Variants in SEMA4D observed in about 807,000 individuals in gnomAD.
The protein encoded by SEMA4D is semaphorin-4D.
Under a neutral mutation model 74.8 loss-of-function variants are expected in SEMA4D, and 22 were observed. The observed-to-expected ratio is 0.29, with a 90% CI of 0.21 to 0.42. SEMA4D has a LOEUF of 0.42. Among genes scored for constraint, SEMA4D ranks in the 10% least tolerant of loss-of-function variants. SEMA4D has a pLI of 1.00. For synonymous variants in SEMA4D, 445 were observed against 463.7 expected (o/e 0.96, Z 0.52); for missense variants, 937 against 1,118.4 (o/e 0.84, Z 2.31).
At chr9:89,452,685 T>C (rs1039338415) in intron 2 of SEMA4D, among the ~76,000 whole-genome samples, 2 of 151,694 alleles carry the variant, frequency 1.3e-5, no homozygotes, top group Non-Finnish European at 2.9e-5. Flanking sequence ...ACTCCCCACC[T>C]CAGATGATCT....
At chr9:89,475,254 A>C (rs1861478437) in intron 1 of SEMA4D, among the ~76,000 whole-genome samples, 1 of 152,200 alleles carries the variant, frequency 6.6e-6, no homozygotes, top group Admixed American at 6.5e-5. Flanking sequence ...GGTGGGACTG[A>C]GACCCATGTC....
At chr9:89,371,922 TGTG>T (rs1834988468) in intron 16 of SEMA4D, among the ~76,000 whole-genome samples, 3 of 139,050 alleles carry the variant, frequency 2.2e-5, no homozygotes, top group Non-Finnish European at 4.7e-5. Flanking sequence ...GTGTGTGGGG[TGTG>T]GTGTGTGTGG....
At chr9:89,431,065 A>C (rs73654789) in intron 2 of SEMA4D, among the ~76,000 whole-genome samples, 40,928 of 152,214 alleles carry the variant, frequency 0.27, 6,088 homozygotes, top group African/African-American at 0.37. Flanking sequence ...CGGCAGTACA[A>C]TCCACACAAG....
rs1297360808 is a variant in SEMA4D at position 89,364,124 on chromosome 9, G to GGAGCCT, written c.1883-180_1883-175dup. ...GGAGGTGGCTTCCCCATGGCCAGCGGGAGCCTTGGCCTTGGCCCGTCCTGT... is the reference window on the plus strand; with the variant it reads ...GGAGGTGGCTTCCCCATGGCCAGCGGGAGCCTGAGCCTTGGCCTTGGCCCGTCCTGT... On this transcript the variant is annotated intron_variant, in intron 16 of 18. Transcript: ENST00000339861. The GGAGCCT allele has an allele frequency of 1.4e-5, 19 of 1,392,450 alleles. No individual in the cohort carries two copies. In the African/African-American group the frequency reaches 2.7e-4, roughly 20 times the overall value. The allele number at this position is 1,392,450 out of a possible 1,614,324, so 86.3% of individuals were successfully genotyped here.
chr9:89,362,157 A>ACTGTCCCAAGTGGGC (rs1832808850), exon 19 of SEMA4D: 4 of 602,950 alleles, frequency 6.6e-6, no homozygotes, highest in Non-Finnish European at 1.2e-5. Flanking sequence ...GACAGAACTT[A>ACTGTCCCAAGTGGGC]CTGTCCCAGG....
At chr9:89,450,543 G>A (rs1587985588) in intron 2 of SEMA4D, 2 of 1,111,562 alleles carry the variant, frequency 1.8e-6, no homozygotes, top group East Asian at 2.4e-5. Flanking sequence ...CCTGCCCAAT[G>A]GCCCCATGCA....
intron 1 of SEMA4D, among the ~76,000 whole-genome samples, chr9:89,487,929 G>A (rs1346401017): frequency 6.6e-6 from 1 of 152,136 alleles, no homozygotes; most frequent in Non-Finnish European, 1.5e-5. Context: ...TTCCCAAATT[G>A]ATCTAAGGAG....
intron 2 of SEMA4D, among the ~76,000 whole-genome samples, chr9:89,425,976 GC>G (rs1848003775): frequency 6.6e-6 from 1 of 152,230 alleles, no homozygotes; most frequent in South Asian, 2.1e-4. Context: ...AGCAGTGAAG[GC>G]ATCACAGAAT....
At chr9:89,496,339 T>C (rs531239197) in intron 1 of SEMA4D, among the ~76,000 whole-genome samples, 38 of 152,332 alleles carry the variant, frequency 2.5e-4, no homozygotes, top group African/African-American at 8.7e-4. Flanking sequence ...GGTGGCCTTT[T>C]GCCTGTCTGC....
chr9:89,366,954 C>CAT (rs1833767764), intron 16 of SEMA4D, among the ~76,000 whole-genome samples: 1 of 152,096 alleles, frequency 6.6e-6, no homozygotes, highest in Admixed American at 6.5e-5. Context: ...GATTAATCAC[C>CAT]CAACGCCCCA....
At chr9:89,465,845 A>T (rs1254068049) in intron 1 of SEMA4D, among the ~76,000 whole-genome samples, 2 of 152,220 alleles carry the variant, frequency 1.3e-5, no homozygotes, top group African/African-American at 4.8e-5. Context: ...CTCCATTCAA[A>T]GGCTGCCTAT....
chr9:89,440,745 G>A (rs1276267217), intron 2 of SEMA4D, among the ~76,000 whole-genome samples: 2 of 152,190 alleles, frequency 1.3e-5, no homozygotes, highest in Non-Finnish European at 2.9e-5. Context: ...TCCACCCTAC[G>A]GAACCCTTCC....
chr9:89,497,313 C>G (rs1206865447), intron 1 of SEMA4D: 2 of 152,448 alleles, frequency 1.3e-5, no homozygotes, highest in Admixed American at 1.3e-4. Flanking sequence ...GAAAGGAAAC[C>G]GAGGCCTGCA....
At chr9:89,435,360 C>T (rs1301080948) in intron 2 of SEMA4D, among the ~76,000 whole-genome samples, 2 of 152,226 alleles carry the variant, frequency 1.3e-5, no homozygotes, top group Non-Finnish European at 2.9e-5. Context: ...TTACAAGCAT[C>T]CCCATTCACA....
chr9:89,419,271 CG>C lies in SEMA4D; in HGVS notation c.-243-13573del, dbSNP rs370322605. ...TCCCTCCAGCAGTGGATGGCTCTTA[CG>C]GCCAATTTTATAAGCAAAAGTAGGT... On this transcript the variant is annotated intron_variant, in intron 2 of 15. Transcript: ENST00000422704. Among the ~76,000 whole-genome samples the C allele has an allele frequency of 9.8e-5, 15 of 152,292 alleles. No homozygotes were observed. In the East Asian group the frequency reaches 2.5e-3, roughly 25 times the overall value.
chr9:89,398,104 A>C (rs1358376568), intron 5 of SEMA4D, among the ~76,000 whole-genome samples: 1 of 152,196 alleles, frequency 6.6e-6, no homozygotes. Flanking sequence ...TAAAACCCGC[A>C]GCCCAGAGTG....
At chr9:89,464,765 CAG>C (rs1354928936) in intron 1 of SEMA4D, among the ~76,000 whole-genome samples, 1 of 152,040 alleles carries the variant, frequency 6.6e-6, no homozygotes. Context: ...AGGAAATGGG[CAG>C]GGTTGCAGGG....
Position 89,397,987 on chromosome 9 carries a change from C to T in SEMA4D, c.316-1152G>A, listed in dbSNP as rs377606649. Among the ~76,000 whole-genome samples, 33 of 152,182 alleles carry T rather than the reference C, an allele frequency of 2.2e-4. No homozygotes were observed. The South Asian group carries it at 2.3e-3, about 11-fold the overall frequency. ...GGGCCTGAGGGACCAAAGGGACGGA[C>T]GTGTGCCAAGAATCCAAAAGTCCCA... On this transcript the variant is annotated intron_variant, in intron 5 of 15. Transcript: ENST00000422704.
chr9:89,409,280 A>G (rs1281008583), intron 2 of SEMA4D, among the ~76,000 whole-genome samples: 1 of 152,140 alleles, frequency 6.6e-6, no homozygotes, highest in Non-Finnish European at 1.5e-5. Context: ...GGGGAGAGAG[A>G]GGGTTTTTAG....
Sources: gnomAD v4.1 joint callset for allele counts (sites outside exome capture counted in the v4.1 genomes callset) on GRCh38, gnomAD v4.1.1 for gene constraint, MANE v1.5 for transcripts, NCBI Gene and HGNC (gene_info 2026-07-23, HGNC 2026-07-21) for gene names.